NRXN3: variants seen among roughly 807,000 people sequenced by gnomAD.
NRXN3 encodes neurexin 3.
A neutral mutation model predicts 137.6 loss-of-function variants in NRXN3; 32 were observed. The observed-to-expected ratio is 0.23, with a 90% confidence interval of 0.18 to 0.31. The LOEUF is 0.31. Among genes scored for constraint, NRXN3 ranks in the 10% least tolerant of loss-of-function variants. The pLI, the probability that NRXN3 is intolerant of heterozygous loss-of-function variation, is 1.00. For synonymous variants in NRXN3, 798 were observed against 784.5 expected, an observed-to-expected ratio of 1.02 and a Z score of -0.29; for missense variants, 1,574 against 2,062.5, an observed-to-expected ratio of 0.76 and a Z score of 4.59.
intron 4 of NRXN3, among the ~76,000 whole-genome samples, chr14:78,358,937 C>T (rs984671826): frequency 5.0e-4 from 76 of 152,266 alleles, no homozygotes; most frequent in Admixed American, 4.9e-3. Flanking sequence ...GTCTCCATTG[C>T]TCAAGCCATC....
At chr14:78,329,154 A>C (rs1237965251) in intron 4 of NRXN3, among the ~76,000 whole-genome samples, 1 of 152,146 alleles carries the variant, frequency 6.6e-6, no homozygotes, top group African/African-American at 2.4e-5. Context: ...AGGAGTTATA[A>C]AAATAATATA....
At chr14:78,958,921 T>C (rs1377624017) in intron 11 of NRXN3, among the ~76,000 whole-genome samples, 1 of 152,094 alleles carries the variant, frequency 6.6e-6, no homozygotes. Context: ...GCCCTGGGGG[T>C]CTAATATAAT....
chr14:78,221,288 G>GAGATAGAAATA (rs1369199437), intron 1 of NRXN3, among the ~76,000 whole-genome samples: 2 of 152,154 alleles, frequency 1.3e-5, no homozygotes, highest in African/African-American at 4.8e-5. Context: ...GAAGAGACAG[G>GAGATAGAAATA]AGATAGAAAT....
At chr14:79,468,973 G>A (rs1040474861) in intron 16 of NRXN3, among the ~76,000 whole-genome samples, 5 of 152,136 alleles carry the variant, frequency 3.3e-5, no homozygotes, top group African/African-American at 1.2e-4. Context: ...AAGAAAGGCA[G>A]CCATACTTAC....
At chr14:78,199,373 G>A (rs1449473230) in intron 1 of NRXN3, among the ~76,000 whole-genome samples, 1 of 152,050 alleles carries the variant, frequency 6.6e-6, no homozygotes, top group Non-Finnish European at 1.5e-5. Flanking sequence ...AGGGCATTCT[G>A]GTTTTTCTTG....
intron 15 of NRXN3, among the ~76,000 whole-genome samples, chr14:79,299,563 C>T (rs1173889932): frequency 6.6e-6 from 1 of 152,088 alleles, no homozygotes; most frequent in Non-Finnish European, 1.5e-5. Flanking sequence ...CCCCAGATTT[C>T]AGCTTCCTGT....
intron 4 of NRXN3, among the ~76,000 whole-genome samples, chr14:78,382,980 C>T (rs2153632759): frequency 6.6e-6 from 1 of 152,192 alleles, no homozygotes; most frequent in South Asian, 2.1e-4. Context: ...GTTCTCATGC[C>T]ATTTAAGCCA....
At chr14:79,768,143 T>C (rs543460970) in intron 19 of NRXN3, among the ~76,000 whole-genome samples, 3 of 152,326 alleles carry the variant, frequency 2.0e-5, no homozygotes, top group East Asian at 1.9e-4. Context: ...GTCTCCCTGA[T>C]TGCTAGCACA....
Position 78,627,409 on chromosome 14 carries a change from G to A in NRXN3, c.758-17711G>A, listed in dbSNP as rs2097476294. Among the ~76,000 whole-genome samples, 4 of 152,256 alleles carry A rather than the reference G, an allele frequency of 2.6e-5. No individual in the cohort carries two copies. In the South Asian group the frequency reaches 8.3e-4, roughly 32 times the overall value. ...AAAAAAGAGCTCAATGAGTAGAAAA[G>A]GCAACTTACATGAAATGAGCAGCTT... On this transcript the variant is annotated intron_variant, in intron 4 of 20. Coordinates refer to ENST00000335750, the MANE Select transcript of NRXN3 (RefSeq NM_001330195.2).
intron 10 of NRXN3, among the ~76,000 whole-genome samples, chr14:78,881,505 C>T (rs1333773438): frequency 6.6e-6 from 1 of 151,550 alleles, no homozygotes; most frequent in East Asian, 1.9e-4. Flanking sequence ...GTAAAGGTGA[C>T]TCTTGCTATG....
Position 79,647,335 on chromosome 14 carries a change from T to C in NRXN3, c.3445-16443T>C, listed in dbSNP as rs2098457178. ...TTATGGTTATAGCCATGCAGATAGA[T>C]GCATGAACTCAGAGGACTAAAAATG... On this transcript the variant is annotated intron_variant, in intron 16 of 20. Coordinates refer to ENST00000335750, the MANE Select transcript of NRXN3 (RefSeq NM_001330195.2). Among the ~76,000 whole-genome samples the C allele has an allele frequency of 1.5e-5, 2 of 136,234 alleles. 1 individual carries two copies. The highest frequency in any genetic ancestry group is 3.4e-5 in the Non-Finnish European group (2 of 58,592). 89.4% of individuals were successfully genotyped at this position (136,234 alleles called of 152,430 possible). A position where few individuals can be genotyped will look rare whatever the true frequency, so the allele number is the denominator to read the frequency against.
chr14:78,575,009 G>T (rs12884664), intron 4 of NRXN3, among the ~76,000 whole-genome samples: 3,435 of 152,198 alleles, frequency 0.023, 42 homozygotes, highest in Non-Finnish European at 0.025. Context: ...TCATGAGGGT[G>T]GTTTCTGCCA....
At chr14:79,658,057 A>ATAAG (rs1175260434) in intron 16 of NRXN3, among the ~76,000 whole-genome samples, 1 of 152,198 alleles carries the variant, frequency 6.6e-6, no homozygotes, top group Non-Finnish European at 1.5e-5. Flanking sequence ...AAGTGGACAG[A>ATAAG]TAAGTTAGGC....
intron 1 of NRXN3, among the ~76,000 whole-genome samples, chr14:78,188,155 A>C (rs932731416): frequency 2.0e-5 from 3 of 152,148 alleles, no homozygotes; most frequent in African/African-American, 7.2e-5. Flanking sequence ...GGGACCAAAA[A>C]CAGGACTGCA....
At chr14:78,206,793 A>G (rs2062228213) in intron 1 of NRXN3, among the ~76,000 whole-genome samples, 3 of 152,096 alleles carry the variant, frequency 2.0e-5, no homozygotes, top group Admixed American at 2.0e-4. Context: ...GTGGTGAGCA[A>G]CTTGTCCAAG....
At chr14:78,813,016 G>A (rs962227868) in intron 10 of NRXN3, among the ~76,000 whole-genome samples, 1 of 76,458 alleles carries the variant, frequency 1.3e-5, no homozygotes, top group Non-Finnish European at 2.5e-5. Flanking sequence ...GAGTCACAAA[G>A]TAAATATAAT....
chr14:78,651,113 G>A, intron 5 of NRXN3, 52 bp from the exon 6 acceptor site: 1 of 1,552,296 alleles, frequency 6.4e-7, no homozygotes, highest in Non-Finnish European at 8.8e-7. Flanking sequence ...GGTTATGATA[G>A]GATCGTAAGG....
chr14:78,490,379 GC>G (rs1204386374), intron 4 of NRXN3, among the ~76,000 whole-genome samples: 1 of 152,094 alleles, frequency 6.6e-6, no homozygotes, highest in Non-Finnish European at 1.5e-5. Flanking sequence ...TCACAGGTTG[GC>G]TTTGAAAACA....
At chr14:79,313,795 T>C (rs1390888387) in intron 15 of NRXN3, among the ~76,000 whole-genome samples, 1 of 87,316 alleles carries the variant, frequency 1.1e-5, no homozygotes, top group Non-Finnish European at 2.2e-5. Context: ...ATCAGCTCCT[T>C]TAAGCACTTC....
Sources: gnomAD v4.1 joint callset for allele counts (sites outside exome capture counted in the v4.1 genomes callset) on GRCh38, gnomAD v4.1.1 for gene constraint, MANE v1.5 for transcripts, NCBI Gene and HGNC (gene_info 2026-07-23, HGNC 2026-07-21) for gene names.